Variants in TMEM117 observed in about 807,000 individuals in gnomAD.
The protein encoded by TMEM117 is transmembrane protein 117.
Under a neutral mutation model 52.4 loss-of-function variants are expected in TMEM117, and 27 were observed. The ratio of observed to expected loss-of-function variants is 0.51; its 90% CI spans 0.38 to 0.71. The LOEUF (loss-of-function observed/expected upper bound fraction) is 0.71. Ranked by LOEUF, TMEM117 falls within the 30% of genes least tolerant of loss-of-function variation. TMEM117 has a pLI of 0.00. For missense variants in TMEM117, 556 were observed against 630.5 expected (o/e 0.88, Z 1.26); for synonymous variants, 215 against 206.3 (o/e 1.04, Z -0.36).
intron 3 of TMEM117, among the ~76,000 whole-genome samples, chr12:44,085,678 A>G (rs1947555190): frequency 1.3e-5 from 2 of 152,252 alleles, no homozygotes; most frequent in South Asian, 4.1e-4. Flanking sequence ...AATGCATTTT[A>G]ACTCTTGTAT....
intron 3 of TMEM117, among the ~76,000 whole-genome samples, chr12:43,969,532 T>TA (rs1945547230): frequency 1.1e-4 from 16 of 150,210 alleles, no homozygotes; most frequent in Non-Finnish European, 4.4e-5. Context: ...AAAAAAATAA[T>TA]AATAATAATT....
chr12:44,149,875 T>C (rs1438591751), intron 4 of TMEM117, among the ~76,000 whole-genome samples: 1 of 152,192 alleles, frequency 6.6e-6, no homozygotes, highest in Non-Finnish European at 1.5e-5. Flanking sequence ...AACAGTTTAA[T>C]TGAACTTCAT....
rs1162418922 is a variant in TMEM117 at position 44,160,056 on chromosome 12, A to C, written c.510+16432A>C. On this transcript the variant is annotated intron_variant, in intron 4 of 7. Transcript: ENST00000266534. ...GAGAAGTGGCAGATTGTAAATTAGC[A>C]GGACCCTGCTACTAGCCTGGAAAGC... Among the ~76,000 whole-genome samples the C allele has an allele frequency of 2.0e-5, 3 of 152,190 alleles. No individual in the cohort carries two copies. The East Asian group carries it at 5.8e-4, about 29-fold the overall frequency.
intron 4 of TMEM117, among the ~76,000 whole-genome samples, chr12:44,155,492 C>T (rs942029916): frequency 1.3e-5 from 2 of 152,042 alleles, no homozygotes; most frequent in Admixed American, 6.6e-5. Flanking sequence ...CAAATCTTAC[C>T]AACCATGTTT....
intron 6 of TMEM117, among the ~76,000 whole-genome samples, chr12:44,329,371 G>T (rs1951237319): frequency 1.3e-5 from 2 of 152,068 alleles, no homozygotes; most frequent in African/African-American, 4.8e-5. Context: ...AGCAGTGGAG[G>T]TGAGCACTAG....
the TMEM117 span, chr12:43,797,205 C>G: frequency 6.8e-7 from 1 of 1,474,038 alleles, no homozygotes; most frequent in South Asian, 1.3e-5. Context: ...CATAAAACTA[C>G]AGCTAAGCCC....
chr12:44,219,909 T>G (rs1041977988), intron 5 of TMEM117, among the ~76,000 whole-genome samples: 1 of 152,162 alleles, frequency 6.6e-6, no homozygotes, highest in African/African-American at 2.4e-5. Flanking sequence ...TCTATTTCCT[T>G]GTCTAAGGTC....
intron 3 of TMEM117, among the ~76,000 whole-genome samples, chr12:44,093,413 T>C (rs1307686379): frequency 6.6e-6 from 1 of 152,156 alleles, no homozygotes. Flanking sequence ...GTTTTGCGTA[T>C]ATAATTTCAT....
At chr12:44,241,971 T>A (rs1950068325) in intron 5 of TMEM117, among the ~76,000 whole-genome samples, 1 of 152,004 alleles carries the variant, frequency 6.6e-6, no homozygotes, top group Non-Finnish European at 1.5e-5. Flanking sequence ...CTCTTTCCTG[T>A]TTAAATTTGA....
chr12:44,331,353 G>A (rs1038608760), intron 6 of TMEM117, among the ~76,000 whole-genome samples: 4 of 151,918 alleles, frequency 2.6e-5, no homozygotes, highest in African/African-American at 9.7e-5. Flanking sequence ...TCACAAGAGA[G>A]GTAAGATCCT....
At chr12:43,852,913 C>G (rs1309761448) in intron 2 of TMEM117, among the ~76,000 whole-genome samples, 1 of 152,206 alleles carries the variant, frequency 6.6e-6, no homozygotes, top group African/African-American at 2.4e-5. Flanking sequence ...CTGTCAGTCT[C>G]TCAACAAGAA....
chr12:44,124,511 C>G (rs928415522), intron 3 of TMEM117, among the ~76,000 whole-genome samples: 1 of 152,116 alleles, frequency 6.6e-6, no homozygotes, highest in Admixed American at 6.5e-5. Flanking sequence ...CCAGTTTTTG[C>G]CCATTCAGTA....
At chr12:44,167,529 A>G (rs1948985028) in intron 4 of TMEM117, among the ~76,000 whole-genome samples, 2 of 151,980 alleles carry the variant, frequency 1.3e-5, no homozygotes, top group East Asian at 3.9e-4. Flanking sequence ...TTAGCTGGGC[A>G]TGGTGGCACG....
chr12:44,152,052 A>G (rs868450848), intron 4 of TMEM117, among the ~76,000 whole-genome samples: 35 of 117,996 alleles, frequency 3.0e-4, no homozygotes, highest in Middle Eastern at 9.3e-3. Flanking sequence ...TATTAATCAT[A>G]TATTTATATT....
At chr12:44,129,007 T>G (rs1948371682) in intron 3 of TMEM117, among the ~76,000 whole-genome samples, 1 of 152,198 alleles carries the variant, frequency 6.6e-6, no homozygotes, top group African/African-American at 2.4e-5. Context: ...TAGAAAAAGC[T>G]GTGCCATTCT....
chr12:44,362,132 C>T (rs890724272), intron 6 of TMEM117, among the ~76,000 whole-genome samples: 4 of 152,066 alleles, frequency 2.6e-5, no homozygotes, highest in African/African-American at 9.7e-5. Context: ...TTCTCAATCC[C>T]TAGTTTATTT....
intron 6 of TMEM117, among the ~76,000 whole-genome samples, chr12:44,307,450 G>A (rs983040376): frequency 1.3e-5 from 2 of 152,026 alleles, no homozygotes; most frequent in African/African-American, 4.8e-5. Context: ...CCTTACTAAA[G>A]GAAAAATACT....
chr12:43,874,830 T>G (rs2137435317), intron 2 of TMEM117, among the ~76,000 whole-genome samples: 1 of 152,328 alleles, frequency 6.6e-6, no homozygotes, highest in African/African-American at 2.4e-5. Context: ...ACTGAGTTCA[T>G]TACCATTTAA....
At chr12:44,022,176 A>G (rs78036080) in intron 3 of TMEM117, among the ~76,000 whole-genome samples, 6,589 of 152,308 alleles carry the variant, frequency 0.043, 194 homozygotes, top group South Asian at 0.084. Flanking sequence ...TAAAGTCAGA[A>G]GCCTTGAGTT....
Sources: gnomAD v4.1 joint callset for allele counts (sites outside exome capture counted in the v4.1 genomes callset) on GRCh38, gnomAD v4.1.1 for gene constraint, MANE v1.5 for transcripts, NCBI Gene and HGNC (gene_info 2026-07-23, HGNC 2026-07-21) for gene names.